The following SPTLC2 variants were observed in gnomAD, a reference collection of about 807,000 sequenced individuals.
SPTLC2 encodes serine palmitoyltransferase 2.
SPTLC2 carries 21 observed loss-of-function variants against 62.0 expected under a neutral mutation model. That is an observed-to-expected ratio of 0.34 (90% CI 0.24 to 0.49). SPTLC2 has a LOEUF of 0.49. Ranked by LOEUF, SPTLC2 falls within the 20% of genes least tolerant of loss-of-function variation. SPTLC2 has a pLI of 0.99. For synonymous variants in SPTLC2, 261 were observed against 261.8 expected (o/e 1.00, Z 0.03); for missense variants, 511 against 713.0 (o/e 0.72, Z 3.23).
At chr14:77,580,032 G>C (rs1035642731) in intron 2 of SPTLC2, among the ~76,000 whole-genome samples, 10 of 152,100 alleles carry the variant, frequency 6.6e-5, no homozygotes, top group African/African-American at 1.4e-4. Flanking sequence ...CACATTAATA[G>C]ATTAGGGGAA....
chr14:77,593,148 G>C (rs1410649115), intron 2 of SPTLC2, among the ~76,000 whole-genome samples: 2 of 151,888 alleles, frequency 1.3e-5, no homozygotes, highest in Non-Finnish European at 2.9e-5. Flanking sequence ...TGAGAATGTG[G>C]TATTTGGTCC....
chr14:77,559,212 A>C (rs2079601562), intron 6 of SPTLC2, among the ~76,000 whole-genome samples: 1 of 152,140 alleles, frequency 6.6e-6, no homozygotes, highest in Non-Finnish European at 1.5e-5. Flanking sequence ...AATTCCAGCT[A>C]CTTGGGAGGC....
intron 9 of SPTLC2, among the ~76,000 whole-genome samples, chr14:77,545,582 T>G (rs1471441045): frequency 6.6e-6 from 1 of 152,200 alleles, no homozygotes; most frequent in Non-Finnish European, 1.5e-5. Flanking sequence ...TATCAGGTTC[T>G]TACTTTGAGC....
chr14:77,611,458 C>CAA (rs34421039), intron 1 of SPTLC2, among the ~76,000 whole-genome samples: 25,664 of 110,430 alleles, frequency 0.23, 2,899 homozygotes, highest in South Asian at 0.3. Flanking sequence ...CCTATCTCGC[C>CAA]AAAAAAAAAA....
At chr14:77,603,507 A>T (rs2079888929) in intron 1 of SPTLC2, among the ~76,000 whole-genome samples, 2 of 152,230 alleles carry the variant, frequency 1.3e-5, no homozygotes, top group Admixed American at 1.3e-4. Flanking sequence ...CACATAGGCT[A>T]TACTGTGCTC....
At chr14:77,592,716 C>T (rs1249567295) in intron 2 of SPTLC2, among the ~76,000 whole-genome samples, 1 of 152,062 alleles carries the variant, frequency 6.6e-6, no homozygotes, top group East Asian at 1.9e-4. Context: ...AGCCTAGCAC[C>T]CAATGGGTTA....
intron 4 of SPTLC2, among the ~76,000 whole-genome samples, chr14:77,573,737 C>A (rs570997190): frequency 6.6e-6 from 1 of 152,190 alleles, no homozygotes; most frequent in African/African-American, 2.4e-5. Flanking sequence ...AAGAGATTCT[C>A]GTGCCTCAGC....
chr14:77,530,494 A>C lies in SPTLC2; in HGVS notation c.1304-8913T>G, dbSNP rs189266114. ...CAGGTGCCCGCCACCAGACTTAGCT[A>C]ATTTTTGTATTTTTAGTAGAGACAG... On this transcript the variant is annotated intron_variant, in intron 9 of 11. Coordinates refer to ENST00000216484, the MANE Select transcript of SPTLC2 (RefSeq NM_004863.4). 4.0e-5 allele frequency among the ~76,000 whole-genome samples: 6 copies of C among 151,898 alleles called. No individual in the cohort carries two copies. In the South Asian group the frequency reaches 1.3e-3, roughly 32 times the overall value.
rs2079909137 is a variant in SPTLC2 at position 77,607,028 on chromosome 14, T to TA, written c.132+9419dup. Reference sequence around the variant, plus strand: ...TGTACTCTATATTTCATGAAACAAATAAGAGGTAAGAGGTAATCCTTGTCT... The same window carrying TA: ...TGTACTCTATATTTCATGAAACAAATAAAGAGGTAAGAGGTAATCCTTGTCT... On this transcript the variant is annotated intron_variant, in intron 1 of 11. Coordinates refer to ENST00000216484, the MANE Select transcript of SPTLC2 (RefSeq NM_004863.4). 2.0e-5 allele frequency among the ~76,000 whole-genome samples: 3 copies of TA among 151,832 alleles called. No individual in the cohort carries two copies. The South Asian group carries it at 6.2e-4, about 32-fold the overall frequency.
At chr14:77,545,275 T>G (rs557631354) in intron 9 of SPTLC2, among the ~76,000 whole-genome samples, 27 of 152,122 alleles carry the variant, frequency 1.8e-4, no homozygotes, top group Admixed American at 8.5e-4. Flanking sequence ...GGCACTTTTT[T>G]TTTTTTTGAG....
At chr14:77,555,279 T>C (rs1187849372) in intron 8 of SPTLC2, 21 bp downstream of exon 8, 3 of 1,613,756 alleles carry the variant, frequency 1.9e-6, no homozygotes, top group Admixed American at 3.3e-5. Flanking sequence ...CTCTAATCGC[T>C]CATTCTCATG....
intron 9 of SPTLC2, among the ~76,000 whole-genome samples, chr14:77,542,246 C>T (rs1387735333): frequency 6.6e-6 from 1 of 151,158 alleles, no homozygotes; most frequent in Admixed American, 6.6e-5. Flanking sequence ...TTTTTTTTCA[C>T]ATTATCTCAC....
At chr14:77,514,694 A>G (rs2139990842) in intron 11 of SPTLC2, among the ~76,000 whole-genome samples, 1 of 152,344 alleles carries the variant, frequency 6.6e-6, no homozygotes, top group Admixed American at 6.5e-5. Flanking sequence ...AAAGTATACA[A>G]TTCATTGCTT....
At chr14:77,529,620 C>CTTTTTTTTTTTTTTTTTTTTTTTTT (rs71452856) in intron 9 of SPTLC2, among the ~76,000 whole-genome samples, 7 of 76,054 alleles carry the variant, frequency 9.2e-5, no homozygotes, top group East Asian at 7.3e-4. Flanking sequence ...TTCTTTCTTT[C>CTTTTTTTTTTTTTTTTTTTTTTTTT]TTTTTTTTTT....
chr14:77,554,924 G>A (rs17751727), intron 8 of SPTLC2: 1 of 310,786 alleles, frequency 3.2e-6, no homozygotes, highest in Non-Finnish European at 6.2e-6. Context: ...GTGTCCAAGG[G>A]CAAGGTGACC....
chr14:77,511,576 C>T lies in SPTLC2; in HGVS notation c.*708G>A, dbSNP rs1404964870. The stretch of plus-strand genomic sequence containing the variant: ...TGTTACGGTTAGAGCTTGGGAAGAA[C>T]CAGAATTTGCGCACATCCTCAGACT... On this transcript the variant is annotated 3_prime_UTR_variant, in exon 12 of 12. Coordinates refer to ENST00000216484, the MANE Select transcript of SPTLC2 (RefSeq NM_004863.4). The T allele has an allele frequency of 6.5e-6, 1 of 153,268 alleles. No individual in the cohort carries two copies. The highest frequency in any genetic ancestry group is 1.5e-5 in the Non-Finnish European group (1 of 68,916). 9.5% of individuals were successfully genotyped at this position (153,268 alleles called of 1,614,324 possible). A position where few individuals can be genotyped will look rare whatever the true frequency, so the allele number is the denominator to read the frequency against.
At chr14:77,534,163 CTT>C (rs148360587) in intron 9 of SPTLC2, among the ~76,000 whole-genome samples, 13,468 of 130,484 alleles carry the variant, frequency 0.1, 653 homozygotes, top group Middle Eastern at 0.11. Flanking sequence ...GTCTCTCTCT[CTT>C]TCTCTCTCTC....
intron 9 of SPTLC2, among the ~76,000 whole-genome samples, chr14:77,523,634 G>C (rs1314253801): frequency 3.3e-5 from 5 of 152,210 alleles, no homozygotes; most frequent in African/African-American, 1.2e-4. Flanking sequence ...GCACTCACAT[G>C]GAGCTGGGAA....
chr14:77,559,449 C>G (rs962513992), intron 6 of SPTLC2, among the ~76,000 whole-genome samples: 1 of 152,050 alleles, frequency 6.6e-6, no homozygotes, highest in Non-Finnish European at 1.5e-5. Context: ...GCAAAACTCC[C>G]AGAAGAAAAC....
Sources: allele counts gnomAD v4.1 joint callset (sites outside exome capture counted in the v4.1 genomes callset), GRCh38; gene constraint gnomAD v4.1.1; transcripts MANE v1.5; gene names NCBI Gene and HGNC (gene_info 2026-07-23, HGNC 2026-07-21).